The following DMXL2 variants were observed in gnomAD, a reference collection of about 807,000 sequenced individuals.
The protein encoded by DMXL2 is dmX-like protein 2.
Under a neutral mutation model 331.1 loss-of-function variants are expected in DMXL2, and 103 were observed. That is an observed-to-expected ratio of 0.31 (90% CI 0.27 to 0.37). The LOEUF is 0.37. Ranked by LOEUF, DMXL2 falls within the 10% of genes least tolerant of loss-of-function variation. The pLI, the probability that DMXL2 is intolerant of heterozygous loss-of-function variation, is 1.00. For synonymous variants in DMXL2, 1,281 were observed against 1,252.1 expected, an observed-to-expected ratio of 1.02 and a Z score of -0.49; for missense variants, 3,171 against 3,642.9, an observed-to-expected ratio of 0.87 and a Z score of 3.33.
At chr15:51,525,830 C>T (rs2047640556) in intron 13 of DMXL2, among the ~76,000 whole-genome samples, 1 of 151,982 alleles carries the variant, frequency 6.6e-6, no homozygotes, top group Admixed American at 6.5e-5. Flanking sequence ...CTCCCTACCT[C>T]CCAGATGGTA....
intron 1 of DMXL2, among the ~76,000 whole-genome samples, chr15:51,610,082 A>G (rs906605920): frequency 6.6e-6 from 1 of 152,216 alleles, no homozygotes; most frequent in Non-Finnish European, 1.5e-5. Context: ...GTAACTATGC[A>G]GAAAAGTTGA....
chr15:51,622,418 GC>G lies in DMXL2; in HGVS notation c.87+40del, dbSNP rs1388219000. On this transcript the variant is annotated intron_variant, in intron 1 of 43. Transcript: ENST00000560891. ...CAGGAGGTCCCTGCCCCCGCGTCTG[GC>G]CCCTGGTATCTTCCCCTAGGGCTCC... The G allele has an allele frequency of 3.9e-6, 6 of 1,550,562 alleles. No individual in the cohort carries two copies. In the East Asian group the frequency reaches 1.5e-4, roughly 38 times the overall value.
Position 51,547,417 on chromosome 15 carries a change from T to C in DMXL2, c.568-9A>G, listed in dbSNP as rs764699549. ...TTCAAAAGACAATCATCCTGAAAAA[T>C]ACATAGGTCAATATAAAATTAATTT... On this transcript the variant is annotated splice_polypyrimidine_tract_variant and intron_variant, in intron 6 of 43. Transcript: ENST00000560891. The C allele has an allele frequency of 1.3e-6, 2 of 1,561,022 alleles. No individual in the cohort carries two copies. Among genetic ancestry groups the C allele is most frequent in the Middle Eastern group, 1.7e-4 (1 of 5,836 alleles).
Position 51,595,052 on chromosome 15 carries a change from T to C in DMXL2, c.88-18871A>G, listed in dbSNP as rs1007795183. 3.9e-5 allele frequency among the ~76,000 whole-genome samples: 6 copies of C among 152,256 alleles called. No homozygotes were observed. In the East Asian group the frequency reaches 1.2e-3, roughly 29 times the overall value. On this transcript the variant is annotated intron_variant, in intron 1 of 43. Transcript: ENST00000560891. ...CTCTCACCACTCCTATTCAATATAG[T>C]GTTGGAAGTTCTGGCCAGGGCAATC...
In DMXL2 at chr15:51,502,899, C is replaced by A. The variant is rs768740351; in HGVS notation, c.2899G>T (p.Ala967Ser). ...CTAGAACTCAGAATAAGTTTACTGG[C>A]AGTTTGAAGATTGGCAATTGATGAA... ...HSSSIANLQT[A>S]SKLILSSRLV... The change falls in exon 17 of 44, where the codon GCC becomes TCC. Residue 967 changes from alanine (A) to serine (S), a missense_variant. Ala to Ser is a moderately conservative substitution (Grantham distance 99). Coordinates refer to ENST00000560891, the MANE Select transcript of DMXL2 (RefSeq NM_001378457.1). 3.1e-6 allele frequency: 5 copies of A among 1,614,090 alleles called. No individual in the cohort carries two copies. The South Asian group carries it at 3.3e-5, about 11-fold the overall frequency.
chr15:51,465,438 A>G, intron 31 of DMXL2, 128 bp downstream of exon 31: 1 of 741,598 alleles, frequency 1.3e-6, no homozygotes, highest in Non-Finnish European at 2.3e-6. Context: ...AAAATAAACA[A>G]GACTTTATAA....
chr15:51,556,884 T>C (rs559604630), intron 6 of DMXL2, among the ~76,000 whole-genome samples: 1 of 152,180 alleles, frequency 6.6e-6, no homozygotes, highest in South Asian at 2.1e-4. Context: ...AGAAGGAAAG[T>C]TTCTTTATCT....
At chr15:51,559,802 C>T (rs4774594) in intron 6 of DMXL2, among the ~76,000 whole-genome samples, 123,900 of 152,236 alleles carry the variant, frequency 0.81, 50,798 homozygotes, top group East Asian at 0.99. Flanking sequence ...AGTCAGACCA[C>T]ATCAGCACTG....
rs1336040226 is a variant in DMXL2 at position 51,447,852 on chromosome 15, T to G, written c.*1132A>C. 2 of 152,680 alleles carry G rather than the reference T, an allele frequency of 1.3e-5. No individual in the cohort carries two copies. Among genetic ancestry groups the G allele is most frequent in the Non-Finnish European group, 2.9e-5 (2 of 68,050 alleles). The allele number at this position is 152,680 out of a possible 1,614,324, so 9.5% of individuals were successfully genotyped here. On this transcript the variant is annotated 3_prime_UTR_variant, in exon 44 of 44. Coordinates refer to ENST00000560891, the MANE Select transcript of DMXL2 (RefSeq NM_001378457.1). ...ATTTCACAGCCTGAACATCACATCT[T>G]CAGAGAAAGTTACTTTTATGCCATT...
chr15:51,581,850 T>C lies in DMXL2; in HGVS notation c.88-5669A>G, dbSNP rs750325316. Reference sequence around the variant, plus strand: ...TTACAGGGTCAAAGTTTGAGATCATTGACAACTACTGATAAGTGTCTAAAC... The same window carrying C: ...TTACAGGGTCAAAGTTTGAGATCATCGACAACTACTGATAAGTGTCTAAAC... On this transcript the variant is annotated intron_variant, in intron 1 of 43. Transcript: ENST00000560891. Among the ~76,000 whole-genome samples the C allele has an allele frequency of 1.4e-4, 21 of 152,232 alleles. No individual in the cohort carries two copies. In the South Asian group the frequency reaches 1.4e-3, roughly 11 times the overall value.
chr15:51,512,044 G>GA (rs1160700512), intron 15 of DMXL2, among the ~76,000 whole-genome samples: 3 of 152,056 alleles, frequency 2.0e-5, no homozygotes, highest in Non-Finnish European at 4.4e-5. Flanking sequence ...CCTGTTGGGG[G>GA]GTGGGGGGCT....
In DMXL2 at chr15:51,450,368, G is replaced by A. The variant is rs77557886; in HGVS notation, c.8750-22C>T. On this transcript the variant is annotated intron_variant, in intron 42 of 43. Coordinates refer to ENST00000560891, the MANE Select transcript of DMXL2 (RefSeq NM_001378457.1). ...AAACCTGAAGAAGAAAAACATCAGA[G>A]AATTTCTCAAAACAATTTCTTGTCT... is the stretch of plus-strand genomic sequence containing the variant. 34 of 1,610,300 alleles carry A rather than the reference G, an allele frequency of 2.1e-5. No homozygotes were observed. In the African/African-American group the frequency reaches 4.4e-4, roughly 21 times the overall value.
intron 9 of DMXL2, among the ~76,000 whole-genome samples, chr15:51,541,940 T>C (rs752801190): frequency 1.3e-4 from 20 of 152,150 alleles, no homozygotes; most frequent in Non-Finnish European, 2.4e-4. Context: ...TGCTGAGATA[T>C]AAGGAAAACT....
At chr15:51,535,979 G>A (rs989296241) in intron 12 of DMXL2, among the ~76,000 whole-genome samples, 187 bp downstream of exon 12, 1 of 152,102 alleles carries the variant, frequency 6.6e-6, no homozygotes, top group Admixed American at 6.6e-5. Context: ...GAGAGAAAAG[G>A]TTAAAAACTT....
intron 9 of DMXL2, among the ~76,000 whole-genome samples, chr15:51,539,135 G>C (rs143483866): frequency 1.3e-5 from 2 of 151,678 alleles, no homozygotes; most frequent in Non-Finnish European, 2.9e-5. Flanking sequence ...GCTTGAACCC[G>C]GGAGGTAGAG....
At chr15:51,572,743 T>C (rs1015421390) in intron 2 of DMXL2, among the ~76,000 whole-genome samples, 5 of 152,180 alleles carry the variant, frequency 3.3e-5, no homozygotes, top group Non-Finnish European at 7.3e-5. Context: ...CAGCCCTTCA[T>C]GCTAAAAACT....
chr15:51,506,934 T>A (rs1458518234), intron 16 of DMXL2, among the ~76,000 whole-genome samples, 200 bp downstream of exon 16: 1 of 152,248 alleles, frequency 6.6e-6, no homozygotes, highest in Admixed American at 6.5e-5. Context: ...ATGTCTAATG[T>A]GCCCTTAGGC....
chr15:51,534,086 G>A (rs1159005079), intron 13 of DMXL2, among the ~76,000 whole-genome samples: 2 of 152,162 alleles, frequency 1.3e-5, no homozygotes, highest in African/African-American at 4.8e-5. Context: ...GCAGAGAGCA[G>A]GGAGGGGGAA....
chr15:51,482,324 T>C (rs1406595573), intron 23 of DMXL2, among the ~76,000 whole-genome samples: 2 of 152,176 alleles, frequency 1.3e-5, no homozygotes, highest in African/African-American at 2.4e-5. Flanking sequence ...AAAATATCTA[T>C]ATTATTATTC....
Sources: allele counts gnomAD v4.1 joint callset (sites outside exome capture counted in the v4.1 genomes callset), GRCh38; gene constraint gnomAD v4.1.1; transcripts MANE v1.5; gene names NCBI Gene and HGNC (gene_info 2026-07-23, HGNC 2026-07-21).